PID1: variants seen among roughly 807,000 people sequenced by gnomAD.
The protein encoded by PID1 is phosphotyrosine interaction domain containing 1, also known as PTB-containing, cubilin and LRP1-interacting protein.
Under a neutral mutation model 19.1 loss-of-function variants are expected in PID1, and 10 were observed. The ratio of observed to expected loss-of-function variants is 0.52; its 90% confidence interval spans 0.32 to 0.89. The LOEUF is 0.89. PID1 is among the 40% of genes least tolerant of loss of function. The pLI is 0.03. For synonymous variants in PID1, 130 were observed against 116.0 expected, an observed-to-expected ratio of 1.12 and a Z score of -0.78; for missense variants, 248 against 285.3, an observed-to-expected ratio of 0.87 and a Z score of 0.94.
At chr2:229,132,199 C>A (rs921302573) in intron 2 of PID1, among the ~76,000 whole-genome samples, 2 of 152,116 alleles carry the variant, frequency 1.3e-5, no homozygotes, top group Admixed American at 6.5e-5. Context: ...AATTAATAGA[C>A]AAAGCCTTGT....
chr2:229,157,962 GA>G (rs1690411667), intron 1 of PID1, among the ~76,000 whole-genome samples: 1 of 152,292 alleles, frequency 6.6e-6, no homozygotes, highest in African/African-American at 2.4e-5. Flanking sequence ...CACGTATCAA[GA>G]AGTGAGATAA....
intron 2 of PID1, among the ~76,000 whole-genome samples, chr2:229,088,904 T>C (rs1254848283): frequency 6.6e-6 from 1 of 152,200 alleles, no homozygotes; most frequent in African/African-American, 2.4e-5. Flanking sequence ...TAGCTTATAC[T>C]GTTAGAGTCA....
intron 1 of PID1, among the ~76,000 whole-genome samples, chr2:229,228,307 T>C (rs1692127481): frequency 6.6e-6 from 1 of 152,214 alleles, no homozygotes; most frequent in South Asian, 2.1e-4. Context: ...AAAAGGGACA[T>C]TCTGTAAACT....
At chr2:229,197,213 T>C (rs1691396401) in intron 1 of PID1, among the ~76,000 whole-genome samples, 1 of 152,060 alleles carries the variant, frequency 6.6e-6, no homozygotes, top group Non-Finnish European at 1.5e-5. Flanking sequence ...AAATTTGAAT[T>C]ATATAAGTAA....
chr2:229,029,412 C>A (rs116424602), intron 2 of PID1, among the ~76,000 whole-genome samples: 2 of 150,924 alleles, frequency 1.3e-5, no homozygotes, highest in South Asian at 4.2e-4. Flanking sequence ...GTTAGGATGG[C>A]GGCTATCAAA....
At chr2:229,131,012 C>T (rs1244269922) in intron 2 of PID1, among the ~76,000 whole-genome samples, 1 of 152,112 alleles carries the variant, frequency 6.6e-6, no homozygotes, top group East Asian at 1.9e-4. Context: ...TAAAGATACC[C>T]ACCATATCGG....
At chr2:229,173,066 GC>G (rs1307353759) in intron 1 of PID1, among the ~76,000 whole-genome samples, 2 of 152,114 alleles carry the variant, frequency 1.3e-5, no homozygotes, top group African/African-American at 4.8e-5. Context: ...ACACTATTCA[GC>G]CCAAAACAGA....
intron 2 of PID1, among the ~76,000 whole-genome samples, chr2:229,079,257 C>T (rs1000403558): frequency 4.6e-5 from 7 of 152,168 alleles, no homozygotes; most frequent in African/African-American, 9.7e-5. Flanking sequence ...TCTTTGGGAC[C>T]TCCTTTATTT....
At chr2:229,030,878 T>C (rs1222651940) in intron 2 of PID1, among the ~76,000 whole-genome samples, 1 of 152,150 alleles carries the variant, frequency 6.6e-6, no homozygotes, top group Non-Finnish European at 1.5e-5. Context: ...TGAGATTATA[T>C]AAATTCGAAA....
intron 2 of PID1, among the ~76,000 whole-genome samples, chr2:229,059,882 G>T (rs1202661485): frequency 6.6e-6 from 1 of 152,076 alleles, no homozygotes; most frequent in East Asian, 1.9e-4. Context: ...AGAGTGCCTG[G>T]TCATATACAG....
chr2:229,247,769 T>C, intron 1 of PID1, among the ~76,000 whole-genome samples: 1 of 152,246 alleles, frequency 6.6e-6, no homozygotes, highest in East Asian at 1.9e-4. Flanking sequence ...GTGACATTTA[T>C]GAACACGCAT....
At chr2:229,201,489 G>C (rs943519891) in intron 1 of PID1, among the ~76,000 whole-genome samples, 2 of 152,050 alleles carry the variant, frequency 1.3e-5, no homozygotes, top group African/African-American at 4.8e-5. Context: ...GTAGTCCACT[G>C]TATGGATTTA....
chr2:229,248,805 T>C (rs968267356), intron 1 of PID1, among the ~76,000 whole-genome samples: 1 of 152,242 alleles, frequency 6.6e-6, no homozygotes, highest in Non-Finnish European at 1.5e-5. Flanking sequence ...CTGTTATTTA[T>C]TTTGAGGTGT....
At chr2:229,104,266 T>C (rs1280391543) in intron 2 of PID1, among the ~76,000 whole-genome samples, 1 of 152,182 alleles carries the variant, frequency 6.6e-6, no homozygotes, top group African/African-American at 2.4e-5. Flanking sequence ...CACATGTCTT[T>C]GTGGGGTAAG....
intron 1 of PID1, among the ~76,000 whole-genome samples, chr2:229,201,901 A>C (rs2106241257): frequency 6.6e-6 from 1 of 151,704 alleles, no homozygotes; most frequent in East Asian, 1.9e-4. Flanking sequence ...CTTCCATGGC[A>C]TTTTTTTTCT....
chr2:229,203,803 C>T (rs1691548964), intron 1 of PID1, among the ~76,000 whole-genome samples: 1 of 152,090 alleles, frequency 6.6e-6, no homozygotes, highest in African/African-American at 2.4e-5. Flanking sequence ...TTCCCTTCTC[C>T]AAGCATGGAG....
At chr2:229,034,654 CA>C (rs1263961892) in intron 2 of PID1, among the ~76,000 whole-genome samples, 5 of 152,056 alleles carry the variant, frequency 3.3e-5, no homozygotes, top group Admixed American at 2.0e-4. Flanking sequence ...ACCCTGGAGA[CA>C]CCCATAACAA....
chr2:229,060,049 T>C (rs1481111500), intron 2 of PID1, among the ~76,000 whole-genome samples: 1 of 152,156 alleles, frequency 6.6e-6, no homozygotes, highest in African/African-American at 2.4e-5. Context: ...AATGATGTTA[T>C]GATATATATT....
intron 1 of PID1, among the ~76,000 whole-genome samples, chr2:229,177,480 C>T (rs1045438561): frequency 6.6e-6 from 1 of 152,050 alleles, no homozygotes; most frequent in Non-Finnish European, 1.5e-5. Flanking sequence ...TTGTCTTTTG[C>T]TTTTCTCATT....
Sources: allele counts gnomAD v4.1 joint callset (sites outside exome capture counted in the v4.1 genomes callset), GRCh38; gene constraint gnomAD v4.1.1; transcripts MANE v1.5; gene names NCBI Gene and HGNC (gene_info 2026-07-23, HGNC 2026-07-21).